The following ZNF273 variants were observed in gnomAD, a reference collection of about 807,000 sequenced individuals.
ZNF273 encodes the protein zinc finger protein 273, also known as zinc finger protein 9.
In ZNF273, 11 loss-of-function variants were observed where a neutral mutation model predicts 14.9. That is an observed-to-expected ratio of 0.74 (90% CI 0.46 to 1.22). ZNF273 has a LOEUF of 1.22. ZNF273 is among the 50% of genes most tolerant of loss of function. The pLI is 0.00. For missense variants in ZNF273, 577 were observed against 660.6 expected, an observed-to-expected ratio of 0.87 and a Z score of 1.39; for synonymous variants, 199 against 223.9, an observed-to-expected ratio of 0.89 and a Z score of 0.99.
At chr7:64,890,389 T>C (rs1343784610), downstream of ZNF273, among the ~76,000 whole-genome samples, 3 of 151,978 alleles carry the variant, frequency 2.0e-5, no homozygotes, top group Admixed American at 6.6e-5. Flanking sequence ...CGTGATCAGC[T>C]GCGGTCTGGG....
chr7:64,926,417 GT>G (rs1030470885), intron 3 of ZNF273, among the ~76,000 whole-genome samples: 2 of 151,342 alleles, frequency 1.3e-5, no homozygotes, highest in African/African-American at 2.4e-5. Flanking sequence ...AAATTTTTTA[GT>G]TTTTTTGTCA....
chr7:64,887,221 C>T (rs1429299441), intron 1 of ZNF273, among the ~76,000 whole-genome samples: 3 of 152,224 alleles, frequency 2.0e-5, no homozygotes, highest in Admixed American at 6.5e-5. Context: ...AATGTGTGCA[C>T]GTGCAAGTCT....
At chr7:64,905,338 ACTC>A (rs1330562352) in intron 1 of ZNF273, among the ~76,000 whole-genome samples, 2 of 143,926 alleles carry the variant, frequency 1.4e-5, no homozygotes, top group Admixed American at 7.0e-5. Flanking sequence ...CTGGCCTTGA[ACTC>A]CTGGCCTCAA....
chr7:64,934,322 A>C (rs1424013986), downstream of ZNF273, among the ~76,000 whole-genome samples: 1 of 152,034 alleles, frequency 6.6e-6, no homozygotes, highest in African/African-American at 2.4e-5. Context: ...TTTATTAATA[A>C]TTTGAAGTAA....
In ZNF273 at chr7:64,921,583, C is replaced by T. The variant is rs570955344; in HGVS notation, c.325+3291C>T. On this transcript the variant is annotated intron_variant, in intron 3 of 3. Transcript: ENST00000476120. ...GACCTATTTTACCATTATATAATAT[C>T]AATCTTTGCTTCATGCTAATGCTTT... Among the ~76,000 whole-genome samples the T allele has an allele frequency of 8.6e-5, 10 of 116,074 alleles. No homozygotes were observed. The East Asian group carries it at 2.5e-3, about 29-fold the overall frequency. The allele number at this position is 116,074 out of a possible 152,430, so 76.1% of individuals were successfully genotyped here. A position where few individuals can be genotyped will look rare whatever the true frequency, so the allele number is the denominator to read the frequency against.
At chr7:64,889,568 G>A (rs1791839758), downstream of ZNF273, 7 of 985,986 alleles carry the variant, frequency 7.1e-6, no homozygotes, top group Admixed American at 6.1e-5. The surrounding 1 kb of genome is among the most constrained non-coding windows in gnomAD (Gnocchi z 4.2). Flanking sequence ...GACCTGAGAG[G>A]GACAGTGAGA....
intron 1 of ZNF273, among the ~76,000 whole-genome samples, chr7:64,904,781 A>C (rs983871352): frequency 6.6e-6 from 1 of 152,120 alleles, no homozygotes; most frequent in Admixed American, 6.5e-5. Context: ...ATCCCCTGAC[A>C]CTGTATTGTA....
At chr7:64,926,454 TA>T (rs1360548790) in intron 3 of ZNF273, among the ~76,000 whole-genome samples, 1 of 152,148 alleles carries the variant, frequency 6.6e-6, no homozygotes, top group Non-Finnish European at 1.5e-5. Flanking sequence ...TTGTTTTTGA[TA>T]TTTTTAACAC....
At chr7:64,897,579 G>C (rs946162214) in exon 4 of ZNF273, 1 of 152,180 alleles carries the variant, frequency 6.6e-6, no homozygotes, top group African/African-American at 2.4e-5. Context: ...ACCCGCCTCG[G>C]CCTCCCAAAG....
downstream of ZNF273, among the ~76,000 whole-genome samples, chr7:64,893,025 A>C (rs1792128990): frequency 6.6e-6 from 1 of 152,110 alleles, no homozygotes; most frequent in Non-Finnish European, 1.5e-5. Flanking sequence ...TTCTATTGGC[A>C]CAGCTGCCGG....
At chr7:64,916,554 A>C (rs967585413) in intron 1 of ZNF273, among the ~76,000 whole-genome samples, 8 of 151,198 alleles carry the variant, frequency 5.3e-5, no homozygotes, top group African/African-American at 1.9e-4. Context: ...AAAAAAAAAA[A>C]AAAAAAAAAA....
At chr7:64,888,306 G>C (rs576660055) in intron 1 of ZNF273, 9 of 985,202 alleles carry the variant, frequency 9.1e-6, no homozygotes, top group Non-Finnish European at 9.6e-6. Flanking sequence ...GAGCTCCGTG[G>C]CCTCGCACAG....
At chr7:64,934,876 G>A (rs1324691783), downstream of ZNF273, among the ~76,000 whole-genome samples, 1 of 151,944 alleles carries the variant, frequency 6.6e-6, no homozygotes, top group Non-Finnish European at 1.5e-5. Flanking sequence ...TGTTATATCT[G>A]CAGATTATTT....
Position 64,928,767 on chromosome 7 carries a change from ATACTGGAGAGAAACC to A in ZNF273, c.1441_1455del (p.Thr481_Pro485del), listed in dbSNP as rs1481783849. 6.2e-6 allele frequency: 10 copies of A among 1,613,546 alleles called. No individual in the cohort carries two copies. The highest frequency in any genetic ancestry group is 1.3e-5 in the African/African-American group (1 of 74,894). ...ACCCTTACTGAACATAAGAGAGTTCATACTGGAGAGAAACCTTACAAATGCAATGAATGTGGTAAA... is the reference window on the plus strand; with the variant it reads ...ACCCTTACTGAACATAAGAGAGTTCATTACAAATGCAATGAATGTGGTAAA... On this transcript the variant is annotated inframe_deletion, in exon 4 of 4. Coordinates refer to ENST00000476120, the MANE Select transcript of ZNF273 (RefSeq NM_021148.3).
At chr7:64,889,256 C>T (rs1023613606), downstream of ZNF273, 60 of 985,264 alleles carry the variant, frequency 6.1e-5, no homozygotes, top group African/African-American at 9.9e-4. This position sits in a 1 kb window ranked among gnomAD's most constrained non-coding sequence, Gnocchi z 4.2. Context: ...TCCCCGCCCG[C>T]AAAGGGCCGG....
chr7:64,885,861 G>T (rs1791543909), intron 1 of ZNF273, among the ~76,000 whole-genome samples: 1 of 152,212 alleles, frequency 6.6e-6, no homozygotes, highest in African/African-American at 2.4e-5. Context: ...GGAAGGCCCA[G>T]ATCAGATCTT....
chr7:64,927,700 A>G lies in ZNF273; in HGVS notation c.372A>G (p.Leu124=). ...AAGACCTTTGGCCAAAGCAGGGCTT[A>G]AAAGATTCTTTTCAAAAAGTGATAC... ...FAQDLWPKQG[L]KDSFQKVILR... Residue 124 remains leucine, a synonymous_variant, in exon 4 of 4, where the codon TTA becomes TTG. Transcript: ENST00000476120. 1.9e-6 allele frequency: 3 copies of G among 1,604,508 alleles called. No individual in the cohort carries two copies. The South Asian group carries it at 3.4e-5, about 18-fold the overall frequency.
chr7:64,886,093 A>G (rs1791560402), intron 1 of ZNF273, among the ~76,000 whole-genome samples: 1 of 152,138 alleles, frequency 6.6e-6, no homozygotes, highest in South Asian at 2.1e-4. Flanking sequence ...GGTACTCTGG[A>G]TTTCCACCTC....
chr7:64,915,403 C>T (rs1793902492), intron 1 of ZNF273, among the ~76,000 whole-genome samples: 1 of 152,052 alleles, frequency 6.6e-6, no homozygotes, highest in Non-Finnish European at 1.5e-5. Context: ...AGAGATTTAC[C>T]CACGTATTTA....
Sources: allele counts gnomAD v4.1 joint callset (sites outside exome capture counted in the v4.1 genomes callset), GRCh38; gene constraint gnomAD v4.1.1; non-coding constraint Gnocchi (gnomAD v3.1); transcripts MANE v1.5; gene names NCBI Gene and HGNC (gene_info 2026-07-23, HGNC 2026-07-21).